The following DLG2 variants were observed in gnomAD, a reference collection of about 807,000 sequenced individuals.
DLG2 encodes the protein disks large homolog 2.
Under a neutral mutation model 132.5 loss-of-function variants are expected in DLG2, and 45 were observed. That is an observed-to-expected ratio of 0.34 (90% CI 0.27 to 0.44). The LOEUF (loss-of-function observed/expected upper bound fraction) is 0.44, where lower values mean the gene tolerates loss of function less well. Ranked by LOEUF, DLG2 falls within the 20% of genes least tolerant of loss-of-function variation. DLG2 has a pLI of 1.00. For missense variants in DLG2, 1,045 were observed against 1,196.9 expected (o/e 0.87, Z 1.87); for synonymous variants, 424 against 419.6 (o/e 1.01, Z -0.13).
chr11:84,720,580 C>A, intron 6 of DLG2: 1 of 697,686 alleles, frequency 1.4e-6, no homozygotes, highest in Non-Finnish European at 1.8e-6. Context: ...TCGGGGTCTC[C>A]CTTCCCTGGG....
chr11:83,955,311 C>G (rs1259698254), intron 14 of DLG2, among the ~76,000 whole-genome samples: 1 of 152,114 alleles, frequency 6.6e-6, no homozygotes, highest in Non-Finnish European at 1.5e-5. Context: ...GCTCCAGGAC[C>G]CACACACCTA....
chr11:85,444,359 A>C (rs547862603), intron 3 of DLG2, among the ~76,000 whole-genome samples: 2 of 152,332 alleles, frequency 1.3e-5, no homozygotes, highest in African/African-American at 2.4e-5. Context: ...AAAAAAAGTT[A>C]ATCCCAGTGG....
At chr11:83,563,599 C>G (rs564158472) in intron 19 of DLG2, among the ~76,000 whole-genome samples, 4 of 152,304 alleles carry the variant, frequency 2.6e-5, no homozygotes, top group African/African-American at 7.2e-5. Flanking sequence ...TATATAGCAA[C>G]TACTAGGTGC....
chr11:83,614,868 A>G (rs2436155), intron 19 of DLG2, among the ~76,000 whole-genome samples: 102,530 of 152,154 alleles, frequency 0.67, 35,096 homozygotes, highest in African/African-American at 0.79. Context: ...AATCCTATCT[A>G]ATTAGTCCAA....
rs116333740 is a variant in DLG2, at chr11:84,708,744, T to C, written c.358-174013A>G. 7.0e-3 allele frequency among the ~76,000 whole-genome samples: 1,070 copies of C among 151,816 alleles called. 16 individuals carry two copies. Among genetic ancestry groups the C allele is most frequent in the African/African-American group, 0.023 (969 of 41,426 alleles). ...TTCCTCTGGCTTGAGAGACCAACCA[T>C]AGCAATTTGTTGGGGAAATAGCTAC... On this transcript the variant is annotated intron_variant, in intron 6 of 27. Transcript: ENST00000376104.
At chr11:84,885,438 G>T (rs1346940927) in intron 6 of DLG2, among the ~76,000 whole-genome samples, 1 of 152,014 alleles carries the variant, frequency 6.6e-6, no homozygotes, top group African/African-American at 2.4e-5. Flanking sequence ...GGGCTCAAGT[G>T]ATCCTCCTGC....
At chr11:84,682,777 G>A (rs939839734) in intron 6 of DLG2, among the ~76,000 whole-genome samples, 16 of 152,154 alleles carry the variant, frequency 1.1e-4, no homozygotes, top group Admixed American at 7.9e-4. Flanking sequence ...GTGACTTGGT[G>A]GCACAGATGT....
At chr11:83,703,531 C>T (rs1460895509) in intron 18 of DLG2, among the ~76,000 whole-genome samples, 2 of 152,062 alleles carry the variant, frequency 1.3e-5, no homozygotes, top group East Asian at 3.9e-4. Flanking sequence ...TGCCTGTAAT[C>T]CCAGCTAATC....
At chr11:85,460,307 G>A (rs1021350735) in intron 3 of DLG2, among the ~76,000 whole-genome samples, 3 of 152,208 alleles carry the variant, frequency 2.0e-5, no homozygotes, top group Non-Finnish European at 4.4e-5. Flanking sequence ...TGCCTGGGCA[G>A]CAGCTCTGCC....
intron 16 of DLG2, among the ~76,000 whole-genome samples, chr11:83,846,941 C>CA (rs2058740920): frequency 1.5e-5 from 1 of 68,542 alleles, no homozygotes; most frequent in Non-Finnish European, 2.8e-5. Flanking sequence ...TCTCCCAAGC[C>CA]AAAAAAAAAA....
intron 5 of DLG2, among the ~76,000 whole-genome samples, chr11:85,149,294 T>C (rs116290861): frequency 0.053 from 8,147 of 152,288 alleles, 315 homozygotes; most frequent in African/African-American, 0.1. Flanking sequence ...AGAATGTCAA[T>C]AGTATTTTGA....
intron 15 of DLG2, among the ~76,000 whole-genome samples, chr11:83,877,248 ATTTC>A (rs998025598): frequency 6.6e-6 from 1 of 152,072 alleles, no homozygotes; most frequent in African/African-American, 2.4e-5. Flanking sequence ...TGTAATGAGC[ATTTC>A]TTTGTTTATT....
intron 6 of DLG2, among the ~76,000 whole-genome samples, chr11:84,994,370 T>A (rs609423): frequency 0.99 from 151,288 of 152,286 alleles, 75,152 homozygotes; most frequent in East Asian, 1. Context: ...ATATATTAAA[T>A]GTAAGGGAAA....
intron 19 of DLG2, among the ~76,000 whole-genome samples, chr11:83,551,634 G>T (rs981110091): frequency 6.6e-6 from 1 of 151,980 alleles, no homozygotes; most frequent in Non-Finnish European, 1.5e-5. Context: ...ACTACAGGCT[G>T]TACTGTAGCA....
intron 19 of DLG2, 51 bp from the exon 20 acceptor site, chr11:83,541,909 A>G (rs759794513): frequency 6.6e-7 from 1 of 1,513,320 alleles, no homozygotes; most frequent in Non-Finnish European, 8.9e-7. Context: ...GGCAGCACAG[A>G]TTTAGGATTT....
intron 3 of DLG2, among the ~76,000 whole-genome samples, chr11:85,550,820 C>CT (rs1328343509): frequency 1.3e-5 from 2 of 152,284 alleles, no homozygotes; most frequent in African/African-American, 2.4e-5. Flanking sequence ...ACTAAGAATA[C>CT]TTTTTCTAGA....
intron 3 of DLG2, among the ~76,000 whole-genome samples, chr11:85,338,785 G>T (rs545832179): frequency 6.7e-6 from 1 of 149,410 alleles, no homozygotes; most frequent in South Asian, 2.1e-4. Flanking sequence ...GCTCACTGCA[G>T]GCTCCGCCTC....
chr11:83,752,503 G>A (rs768317649), intron 18 of DLG2, among the ~76,000 whole-genome samples: 3 of 152,166 alleles, frequency 2.0e-5, no homozygotes, highest in Admixed American at 6.6e-5. Flanking sequence ...GGTGAAAATT[G>A]AAAATTGAGA....
Position 84,550,175 on chromosome 11 carries a change from C to T in DLG2, c.358-15444G>A, listed in dbSNP as rs1406421096. Among the ~76,000 whole-genome samples, 7 of 151,922 alleles carry T rather than the reference C, an allele frequency of 4.6e-5. No individual in the cohort carries two copies. The East Asian group carries it at 5.8e-4, about 13-fold the overall frequency. ...ATACACACACATGCATGTATATGCT[C>T]AATTCAGCCTTATCACCATTACAGG... On this transcript the variant is annotated intron_variant, in intron 6 of 27. Coordinates refer to ENST00000376104, the MANE Select transcript of DLG2 (RefSeq NM_001142699.3).
Sources: gnomAD v4.1 joint callset for allele counts (sites outside exome capture counted in the v4.1 genomes callset) on GRCh38, gnomAD v4.1.1 for gene constraint, MANE v1.5 for transcripts, NCBI Gene and HGNC (gene_info 2026-07-23, HGNC 2026-07-21) for gene names.